GCNT2: variants seen among roughly 807,000 people sequenced by gnomAD.
The protein encoded by GCNT2 is glucosaminyl (N-acetyl) transferase 2 (I blood group), also known as N-acetyllactosaminide beta-1,6-N-acetylglucosaminyl-transferase.
In GCNT2, 34 loss-of-function variants were observed where a neutral mutation model predicts 34.2. The observed-to-expected ratio is 1.00, with a 90% CI of 0.76 to 1.32. GCNT2 has a LOEUF of 1.32. Ranked by LOEUF, GCNT2 falls within the 40% of genes most tolerant of loss-of-function variation. The probability of loss-of-function intolerance (pLI) is 0.00; values close to 1 mark genes in which losing one functional copy is unlikely to be tolerated. For missense variants in GCNT2, 584 were observed against 489.4 expected, an observed-to-expected ratio of 1.19 and a Z score of -1.82; for synonymous variants, 212 against 188.0, an observed-to-expected ratio of 1.13 and a Z score of -1.04.
At chr6:10,557,226 C>A (rs1762759803) in intron 3 of GCNT2, 4 of 1,592,888 alleles carry the variant, frequency 2.5e-6, no homozygotes, top group Non-Finnish European at 3.4e-6. Context: ...GTGGCTCTAT[C>A]AAGAGAGTTT....
intron 3 of GCNT2, chr6:10,555,804 A>T: frequency 1.0e-6 from 1 of 985,354 alleles, no homozygotes; most frequent in Non-Finnish European, 1.2e-6. Context: ...TTTATTTGAG[A>T]TGTCACTTGT....
At chr6:10,610,207 G>T (rs763463741) in intron 3 of GCNT2, among the ~76,000 whole-genome samples, 1 of 152,190 alleles carries the variant, frequency 6.6e-6, no homozygotes, top group Non-Finnish European at 1.5e-5. Flanking sequence ...AAATCCATTG[G>T]CGACTCCTGT....
chr6:10,529,375 A>C lies in GCNT2; in HGVS notation c.464A>C (p.Lys155Thr), dbSNP rs1761362278. The change falls in exon 3 of 5, where the codon AAG (lysine) becomes ACG (threonine). Residue 155 changes from lysine (K) to threonine (T), a missense_variant. By Grantham distance (78) the Lys-to-Thr change is moderately conservative. Transcript: ENST00000495262. ...TTCCCAAATGCTTTTCTGGCTTCCA[A>C]GAAGGAGTCGGTTGTCTATGGGGGG... ...SCFPNAFLAS[K>T]KESVVYGGIS... 1 of 1,613,974 alleles carries C rather than the reference A, an allele frequency of 6.2e-7. No individual in the cohort carries two copies. The highest frequency in any genetic ancestry group is 8.5e-7 in the Non-Finnish European group (1 of 1,179,878).
intron 3 of GCNT2, among the ~76,000 whole-genome samples, chr6:10,599,369 C>T (rs1765001524): frequency 6.6e-6 from 1 of 152,250 alleles, no homozygotes; most frequent in South Asian, 2.1e-4. Flanking sequence ...TAACCTGAAT[C>T]TTCTCTGTGT....
At chr6:10,535,047 G>T (rs1421089890) in intron 3 of GCNT2, among the ~76,000 whole-genome samples, 1 of 152,126 alleles carries the variant, frequency 6.6e-6, no homozygotes, top group East Asian at 1.9e-4. Flanking sequence ...AACCGGGTGT[G>T]GTGGTGCATG....
intron 3 of GCNT2, among the ~76,000 whole-genome samples, chr6:10,550,942 A>G (rs1762454803): frequency 6.6e-6 from 1 of 152,178 alleles, no homozygotes; most frequent in Admixed American, 6.5e-5. Flanking sequence ...AGACACACCC[A>G]ATTTGGCTGA....
chr6:10,532,741 C>T (rs186617872), intron 3 of GCNT2, among the ~76,000 whole-genome samples: 33 of 152,274 alleles, frequency 2.2e-4, no homozygotes, highest in African/African-American at 7.5e-4. Flanking sequence ...GCCACCACAT[C>T]GGGCAAGCCC....
At chr6:10,585,740 G>T (rs1019111536) in intron 3 of GCNT2, 1 of 1,389,520 alleles carries the variant, frequency 7.2e-7, no homozygotes, top group African/African-American at 1.5e-5. Context: ...CAAACAGCAG[G>T]GATTCAACCC....
chr6:10,587,783 C>T (rs547618132), intron 3 of GCNT2, among the ~76,000 whole-genome samples: 3 of 152,278 alleles, frequency 2.0e-5, no homozygotes, highest in South Asian at 2.1e-4. Flanking sequence ...ACCTGCGTTA[C>T]GTCTTTCCTG....
intron 3 of GCNT2, among the ~76,000 whole-genome samples, chr6:10,617,937 T>G (rs1401929597): frequency 6.6e-6 from 1 of 151,790 alleles, no homozygotes; most frequent in Admixed American, 6.6e-5. Flanking sequence ...GTATCTTTAG[T>G]AGAGACAGGG....
intron 3 of GCNT2, among the ~76,000 whole-genome samples, chr6:10,538,743 C>A (rs1439346267): frequency 6.6e-6 from 1 of 151,922 alleles, no homozygotes; most frequent in Non-Finnish European, 1.5e-5. Flanking sequence ...ATATTACCAT[C>A]AAAAATGGCT....
chr6:10,571,486 AG>A (rs1217789035), intron 3 of GCNT2, among the ~76,000 whole-genome samples: 3 of 152,138 alleles, frequency 2.0e-5, no homozygotes, highest in African/African-American at 7.2e-5. Flanking sequence ...CCGAGTAACT[AG>A]GATTACAGGC....
intron 3 of GCNT2, among the ~76,000 whole-genome samples, chr6:10,547,029 C>T (rs183973947): frequency 5.5e-4 from 83 of 152,180 alleles, no homozygotes; most frequent in Non-Finnish European, 9.6e-4. Flanking sequence ...ACAAAGATTT[C>T]CTTTGACCTT....
intron 3 of GCNT2, among the ~76,000 whole-genome samples, chr6:10,535,445 T>A (rs1365190661): frequency 6.6e-6 from 1 of 152,228 alleles, no homozygotes; most frequent in East Asian, 1.9e-4. Context: ...ATGGCATGCC[T>A]TTTAGTTTCT....
At position 10,536,455 on chromosome 6, in the gene GCNT2, C is replaced by T. The variant is rs561291549; in HGVS notation, c.925+6619C>T. On this transcript the variant is annotated intron_variant, in intron 3 of 4. Coordinates refer to ENST00000495262, the MANE Select transcript of GCNT2 (RefSeq NM_145649.5). ...ACTGCAAGTTCTCCTCCCGGGTTCA[C>T]GCCATTCTCCTGCCTCAGCCTCCCG... 2.7e-3 allele frequency among the ~76,000 whole-genome samples: 413 copies of T among 151,210 alleles called. 3 individuals carry two copies. Among genetic ancestry groups the T allele is most frequent in the African/African-American group, 9.4e-3 (387 of 41,176 alleles).
chr6:10,542,715 T>A (rs951402297), intron 3 of GCNT2, among the ~76,000 whole-genome samples: 3 of 152,142 alleles, frequency 2.0e-5, no homozygotes, highest in Non-Finnish European at 4.4e-5. Context: ...GCTGTTCCAT[T>A]ATATGGATAC....
chr6:10,628,354 T>C lies in GCNT2; in HGVS notation c.*1747T>C, dbSNP rs1766353078. 1 of 152,544 alleles carries C rather than the reference T, an allele frequency of 6.6e-6. No homozygotes were observed. Among genetic ancestry groups the C allele is most frequent in the Non-Finnish European group, 1.5e-5 (1 of 68,046 alleles). The allele number at this position is 152,544 out of a possible 1,614,324, so 9.4% of individuals were successfully genotyped here. On this transcript the variant is annotated 3_prime_UTR_variant, in exon 5 of 5. Coordinates refer to ENST00000495262, the MANE Select transcript of GCNT2 (RefSeq NM_145649.5). ...CAATTTTATTTTTTTTCTGTAACTG[T>C]GCTTGTTGAATGTCAATCATATTTA...
intron 3 of GCNT2, among the ~76,000 whole-genome samples, chr6:10,596,728 C>A: frequency 6.8e-6 from 1 of 147,716 alleles, no homozygotes; most frequent in Non-Finnish European, 1.5e-5. Context: ...ATTCTGTTTC[C>A]TCTATTAAAA....
intron 3 of GCNT2, chr6:10,530,071 T>C: frequency 2.0e-6 from 1 of 489,318 alleles, no homozygotes; most frequent in South Asian, 2.3e-5. Context: ...GCCATATAAA[T>C]AAAAACGTGA....
Sources: gnomAD v4.1 joint callset for allele counts (sites outside exome capture counted in the v4.1 genomes callset) on GRCh38, gnomAD v4.1.1 for gene constraint, MANE v1.5 for transcripts, NCBI Gene and HGNC (gene_info 2026-07-23, HGNC 2026-07-21) for gene names.